Variants in MBD2 observed in about 807,000 individuals in gnomAD.
The protein encoded by MBD2 is methyl-CpG-binding domain protein 2.
A neutral mutation model predicts 39.3 loss-of-function variants in MBD2; 9 were observed. The observed-to-expected ratio is 0.23, with a 90% CI of 0.14 to 0.40. The LOEUF (loss-of-function observed/expected upper bound fraction) is 0.40. Among genes scored for constraint, MBD2 ranks in the 10% least tolerant of loss-of-function variants. The pLI, the probability that MBD2 is intolerant of heterozygous loss-of-function variation, is 1.00. For synonymous variants in MBD2, 233 were observed against 211.1 expected (o/e 1.10, Z -0.90); for missense variants, 458 against 532.6 (o/e 0.86, Z 1.38).
At chr18:54,186,418 C>A (rs2086286861) in intron 3 of MBD2, among the ~76,000 whole-genome samples, 1 of 152,110 alleles carries the variant, frequency 6.6e-6, no homozygotes, top group Non-Finnish European at 1.5e-5. Flanking sequence ...ATTTTGCCAA[C>A]TATCTCCTCA....
chr18:54,213,399 T>A (rs2086527206), intron 1 of MBD2, among the ~76,000 whole-genome samples: 1 of 152,124 alleles, frequency 6.6e-6, no homozygotes, highest in Non-Finnish European at 1.5e-5. Context: ...ATCAGTTTCA[T>A]CTCAAAACCA....
chr18:54,179,710 CAGAA>C lies in MBD2; in HGVS notation c.840+9160_840+9163del, dbSNP rs750891144. Among the ~76,000 whole-genome samples the C allele has an allele frequency of 1.1e-3, 171 of 152,040 alleles. 1 individual carries two copies. In the Middle Eastern group the frequency reaches 0.014, roughly 12 times the overall value. ...TTCATAAGAAATATTCTTAGTAAAA[CAGAA>C]AGAGAAGCAAATTTCCTTAATCTGA... is the stretch of plus-strand genomic sequence containing the variant. On this transcript the variant is annotated intron_variant, in intron 3 of 6. Transcript: ENST00000256429.
intron 2 of MBD2, among the ~76,000 whole-genome samples, chr18:54,190,881 G>A (rs1426076198): frequency 6.6e-6 from 1 of 152,062 alleles, no homozygotes; most frequent in African/African-American, 2.4e-5. Flanking sequence ...TAAAATCTAC[G>A]ATGTGTTCCA....
In MBD2 at chr18:54,224,271, G is replaced by A. The variant is rs962656284; in HGVS notation, c.289C>T (p.Pro97Ser). The A allele has an allele frequency of 2.8e-5, 27 of 953,260 alleles. No individual in the cohort carries two copies. The highest frequency in any genetic ancestry group is 1.6e-4 in the African/African-American group (9 of 55,434). 59.1% of individuals were successfully genotyped at this position (953,260 alleles called of 1,614,324 possible). Residue 97 changes from proline (P) to serine (S), a missense_variant, in exon 1 of 7, where the codon CCC becomes TCC. Physicochemically the swap from Pro to Ser is moderately conservative, Grantham distance 74. Transcript: ENST00000256429. ...CCAAGGCCGCTGCCGCCACTCGGGG[G>A]ACGGCCGCGGCCCCGGCCCCGGCCC... ...GRGRGRGRGRPPSGGSGLGGD... is the reference protein window; with the variant it reads ...GRGRGRGRGRSPSGGSGLGGD...
chr18:54,219,222 A>G lies in MBD2; in HGVS notation c.542+4796T>C, dbSNP rs539027562. Among the ~76,000 whole-genome samples the G allele has an allele frequency of 6.1e-4, 93 of 152,364 alleles. 1 individual carries two copies. The South Asian group carries it at 0.018, about 30-fold the overall frequency. ...TCAAAATTCCAGAAAAAGGCTTTCC[A>G]CAGTACCTTCACACTGATGATGAAA... On this transcript the variant is annotated intron_variant, in intron 1 of 6. Transcript: ENST00000256429.
rs1216536217 is a variant in MBD2, at chr18:54,153,823, C to A, written c.*1501G>T. ...AGGACTGCTTCAAGGAAACTAATGG[C>A]CCTAGGGTCCAGGGATCAAAGTTGA... On this transcript the variant is annotated 3_prime_UTR_variant, in exon 7 of 7. Transcript: ENST00000256429. 6.6e-6 allele frequency: 1 copy of A among 152,172 alleles called. No individual in the cohort carries two copies. Among genetic ancestry groups the A allele is most frequent in the Non-Finnish European group, 1.5e-5 (1 of 68,050 alleles). The allele number at this position is 152,172 out of a possible 1,614,324, so 9.4% of individuals were successfully genotyped here. A position where few individuals can be genotyped will look rare whatever the true frequency, so the allele number is the denominator to read the frequency against.
rs113841812 is a variant in MBD2, at chr18:54,172,808, T to C, written c.841-6642A>G. ...CAAACTTGCTTTTTCACTAGCTTTA[T>C]AAATTGGACAATTGACCTCTCTAAA... On this transcript the variant is annotated intron_variant, in intron 3 of 6. Transcript: ENST00000256429. Among the ~76,000 whole-genome samples, 825 of 152,356 alleles carry C rather than the reference T, an allele frequency of 5.4e-3. 10 individuals carry two copies. Among genetic ancestry groups the C allele is most frequent in the African/African-American group, 0.017 (711 of 41,570 alleles).
chr18:54,189,309 C>T (rs1047583638), intron 2 of MBD2, among the ~76,000 whole-genome samples: 17 of 151,400 alleles, frequency 1.1e-4, no homozygotes, highest in African/African-American at 3.9e-4. Context: ...CTACAAGCTC[C>T]GCCTCCCGGG....
chr18:54,191,675 G>A (rs2086320812), intron 2 of MBD2, among the ~76,000 whole-genome samples: 1 of 152,192 alleles, frequency 6.6e-6, no homozygotes, highest in African/African-American at 2.4e-5. Flanking sequence ...AGAAATGTAA[G>A]CCTCACAATA....
At chr18:54,198,183 T>C (rs1209572966) in intron 2 of MBD2, among the ~76,000 whole-genome samples, 1 of 152,196 alleles carries the variant, frequency 6.6e-6, no homozygotes, top group African/African-American at 2.4e-5. Flanking sequence ...AGGGCTCTGA[T>C]GGTGGTGAAC....
chr18:54,156,211 T>G (rs182817501), intron 6 of MBD2, among the ~76,000 whole-genome samples: 6 of 152,326 alleles, frequency 3.9e-5, no homozygotes, highest in Non-Finnish European at 7.4e-5. Context: ...TATGGGGTTA[T>G]TTGAGTAAGG....
intron 1 of MBD2, among the ~76,000 whole-genome samples, chr18:54,219,723 C>T (rs7240184): frequency 0.026 from 4,029 of 152,224 alleles, 176 homozygotes; most frequent in African/African-American, 0.092. Flanking sequence ...AGGGGAGGAG[C>T]ATGGTTGAAC....
intron 6 of MBD2, among the ~76,000 whole-genome samples, chr18:54,156,467 G>A (rs2086052101): frequency 6.6e-6 from 1 of 152,172 alleles, no homozygotes; most frequent in African/African-American, 2.4e-5. Context: ...GCCAACTTCT[G>A]TGTAAGTATA....
chr18:54,210,270 A>G (rs931049834), intron 1 of MBD2, among the ~76,000 whole-genome samples: 1 of 152,244 alleles, frequency 6.6e-6, no homozygotes, highest in Non-Finnish European at 1.5e-5. Flanking sequence ...ACATAGGAAC[A>G]TTTCATCACT....
At chr18:54,215,613 A>G (rs2086551623) in intron 1 of MBD2, among the ~76,000 whole-genome samples, 2 of 151,166 alleles carry the variant, frequency 1.3e-5, no homozygotes, top group Non-Finnish European at 2.9e-5. Context: ...CTCCTGCCTC[A>G]GCCTCCCGAG....
chr18:54,170,691 G>A (rs555233512), intron 3 of MBD2, among the ~76,000 whole-genome samples: 2 of 152,244 alleles, frequency 1.3e-5, no homozygotes, highest in Admixed American at 6.5e-5. Flanking sequence ...ATCGGCAATC[G>A]CTGCCCTCCA....
chr18:54,198,542 T>C (rs1271166977), intron 2 of MBD2, among the ~76,000 whole-genome samples: 1 of 152,126 alleles, frequency 6.6e-6, no homozygotes, highest in East Asian at 1.9e-4. Flanking sequence ...GGCAAAACCC[T>C]GTCACTACAA....
intron 1 of MBD2, among the ~76,000 whole-genome samples, chr18:54,206,193 A>G (rs759051900): frequency 6.6e-6 from 1 of 152,232 alleles, no homozygotes; most frequent in South Asian, 2.1e-4. Context: ...ATGAAGAATA[A>G]TTTACTTCTT....
intron 1 of MBD2, among the ~76,000 whole-genome samples, chr18:54,208,031 C>A (rs1311080756): frequency 6.6e-6 from 1 of 151,206 alleles, no homozygotes; most frequent in Non-Finnish European, 1.5e-5. Flanking sequence ...GATCGAGAGT[C>A]TGTCTCAAAA....
Sources: allele counts gnomAD v4.1 joint callset (sites outside exome capture counted in the v4.1 genomes callset), GRCh38; gene constraint gnomAD v4.1.1; transcripts MANE v1.5; gene names NCBI Gene and HGNC (gene_info 2026-07-23, HGNC 2026-07-21).